Variants in ZNF366 observed in about 807,000 individuals in gnomAD.
ZNF366 encodes the protein dendritic cell-specific transcript protein.
Under a neutral mutation model 47.2 loss-of-function variants are expected in ZNF366, and 20 were observed. The observed-to-expected ratio is 0.42, with a 90% CI of 0.30 to 0.62. The LOEUF (loss-of-function observed/expected upper bound fraction) is 0.62. Ranked by LOEUF, ZNF366 falls within the 20% of genes least tolerant of loss-of-function variation. The probability of loss-of-function intolerance (pLI) is 0.16; values close to 1 mark genes in which losing one functional copy is unlikely to be tolerated. For missense variants in ZNF366, 987 were observed against 976.3 expected, an observed-to-expected ratio of 1.01 and a Z score of -0.15; for synonymous variants, 421 against 395.1, an observed-to-expected ratio of 1.07 and a Z score of -0.78.
At chr5:72,446,840 G>A (rs760281048) in intron 4 of ZNF366, among the ~76,000 whole-genome samples, 1 of 152,206 alleles carries the variant, frequency 6.6e-6, no homozygotes, top group African/African-American at 2.4e-5. Flanking sequence ...AAAGGCCTAG[G>A]TTCAAATCTT....
Position 72,489,632 on chromosome 5 carries a change from C to T in ZNF366, c.-15+17619G>A, listed in dbSNP as rs1743966603. ...ACTTACCAGCCCTGAGCTTTGCTAC[C>T]CTTCAGAAAGTTGTTTTCAATTTGA... On this transcript the variant is annotated intron_variant, in intron 1 of 4. Transcript: ENST00000318442. Among the ~76,000 whole-genome samples the T allele has an allele frequency of 2.0e-5, 3 of 152,172 alleles. No individual in the cohort carries two copies. The South Asian group carries it at 6.2e-4, about 32-fold the overall frequency.
At position 72,456,522 on chromosome 5, in the gene ZNF366, A is replaced by T; in HGVS notation, c.1406T>A (p.Leu469Gln). 1 of 1,613,514 alleles carries T rather than the reference A, an allele frequency of 6.2e-7. No homozygotes were observed. Among genetic ancestry groups the T allele is most frequent in the Non-Finnish European group, 8.5e-7 (1 of 1,179,650 alleles). ...GTAGGCGCGGATGTTGGTGTGGATC[A>T]GCACGTGTCGCTTCATGTTGGCCAG... ...TLLANMKRHVLIHTNIRAYQC... is the reference protein window; with the variant it reads ...TLLANMKRHVQIHTNIRAYQC... Residue 469 changes from leucine (L) to glutamine (Q), a missense_variant, in exon 3 of 5, where the codon CTG becomes CAG. Physicochemically the swap from Leu to Gln is moderately radical, Grantham distance 113. Around this residue, in one of 3 missense-constraint regions of ZNF366, gnomAD observed 111 missense variants for 180.5 expected, o/e 0.61. Transcript: ENST00000318442.
At chr5:72,497,697 G>A (rs1466932232) in intron 1 of ZNF366, among the ~76,000 whole-genome samples, 4 of 152,250 alleles carry the variant, frequency 2.6e-5, no homozygotes, top group African/African-American at 9.6e-5. Context: ...ACAAATTGCT[G>A]TCTGTAGATG....
chr5:72,463,663 G>A (rs946014227), intron 1 of ZNF366, among the ~76,000 whole-genome samples: 8 of 152,202 alleles, frequency 5.3e-5, no homozygotes, highest in Admixed American at 1.3e-4. Context: ...TATGAGACCC[G>A]GAGGGGTGTG....
chr5:72,492,291 A>T (rs939072298), intron 1 of ZNF366, among the ~76,000 whole-genome samples: 1 of 152,184 alleles, frequency 6.6e-6, no homozygotes, highest in Non-Finnish European at 1.5e-5. Flanking sequence ...AATGGGTCTT[A>T]CTTTAGTGCC....
intron 1 of ZNF366, among the ~76,000 whole-genome samples, chr5:72,498,372 T>C (rs1744152065): frequency 6.6e-6 from 1 of 152,232 alleles, no homozygotes; most frequent in African/African-American, 2.4e-5. Flanking sequence ...ATTTTTATCA[T>C]GTACTAAATT....
intron 1 of ZNF366, among the ~76,000 whole-genome samples, chr5:72,484,501 T>A (rs10042758): frequency 0.16 from 24,196 of 147,610 alleles, 2,477 homozygotes; most frequent in East Asian, 0.38. Flanking sequence ...AAAAAAATAA[T>A]AATAATAATA....
At chr5:72,455,694 C>A (rs538488017) in intron 3 of ZNF366, among the ~76,000 whole-genome samples, 4 of 152,204 alleles carry the variant, frequency 2.6e-5, no homozygotes, top group African/African-American at 9.7e-5. Flanking sequence ...CACGTTTTCT[C>A]GGCTGATGAA....
chr5:72,498,837 C>T (rs1744159065), intron 1 of ZNF366, among the ~76,000 whole-genome samples: 1 of 152,156 alleles, frequency 6.6e-6, no homozygotes, highest in Admixed American at 6.5e-5. Flanking sequence ...ACTGCTCCTC[C>T]CAAAATATCC....
intron 1 of ZNF366, among the ~76,000 whole-genome samples, chr5:72,495,891 C>T (rs2112354698): frequency 6.6e-6 from 1 of 152,302 alleles, no homozygotes; most frequent in Admixed American, 6.5e-5. Context: ...CCCTGTCTTC[C>T]AGCCATCCTA....
intron 1 of ZNF366, among the ~76,000 whole-genome samples, chr5:72,490,745 C>T (rs770456859): frequency 6.6e-6 from 1 of 152,178 alleles, no homozygotes; most frequent in Non-Finnish European, 1.5e-5. Context: ...GCCAAAAGTG[C>T]CCCTTAGTAA....
chr5:72,493,232 G>A (rs374939467), intron 1 of ZNF366, among the ~76,000 whole-genome samples: 16 of 152,294 alleles, frequency 1.1e-4, no homozygotes, highest in East Asian at 9.6e-4. Flanking sequence ...CAACAATCAC[G>A]TTTGCTGAGT....
intron 1 of ZNF366, among the ~76,000 whole-genome samples, chr5:72,496,499 T>C (rs113521211): frequency 1.1e-4 from 16 of 152,332 alleles, no homozygotes; most frequent in African/African-American, 3.6e-4. Context: ...TAGTATTCCA[T>C]TGCATAGATA....
intron 1 of ZNF366, among the ~76,000 whole-genome samples, chr5:72,502,276 G>T (rs1744224946): frequency 6.6e-6 from 1 of 152,132 alleles, no homozygotes; most frequent in Non-Finnish European, 1.5e-5. Context: ...ATGAAGACAT[G>T]TTCTTATTCT....
In ZNF366 at chr5:72,447,326, G is replaced by A; in HGVS notation, c.1616C>T (p.Pro539Leu). Residue 539 changes from proline (P) to leucine (L), a missense_variant, in exon 4 of 5, where the codon CCA becomes CTA. Pro to Leu is a moderately conservative substitution (Grantham distance 98). Coordinates refer to ENST00000318442, the MANE Select transcript of ZNF366 (RefSeq NM_152625.3). The part of the protein sequence containing the change: ...DSKPFKCLYC[P>L]SKFTLKGNLT... Reference sequence around the variant, plus strand: ...GTTCCCCTTCAGGGTGAATTTGCTTGGGCAATAGAGGCACTTGAAGGGTTT... The same window carrying A: ...GTTCCCCTTCAGGGTGAATTTGCTTAGGCAATAGAGGCACTTGAAGGGTTT... 1 of 1,614,172 alleles carries A rather than the reference G, an allele frequency of 6.2e-7. No individual in the cohort carries two copies. Among genetic ancestry groups the A allele is most frequent in the Non-Finnish European group, 8.5e-7 (1 of 1,180,044 alleles).
At position 72,443,761 on chromosome 5, in the gene ZNF366, T is replaced by C; in HGVS notation, c.2230A>G (p.Ile744Val). The C allele has an allele frequency of 6.2e-7, 1 of 1,608,780 alleles. No individual in the cohort carries two copies. The highest frequency in any genetic ancestry group is 2.2e-5 in the East Asian group (1 of 44,788). The change falls in exon 5 of 5, where the codon ATC becomes GTC. Residue 744 changes from isoleucine to valine, a missense_variant. Coordinates refer to ENST00000318442, the MANE Select transcript of ZNF366 (RefSeq NM_152625.3). The part of the protein sequence containing the change: ...KMEKQAVLLG[I>V] ...GTAATTTTAAAACTGTCCACTTAGA[T>C]ACCTAAAAGCACTGCTTGTTTTTCC...
At position 72,456,408 on chromosome 5, in the gene ZNF366, C is replaced by T; in HGVS notation, c.1520G>A (p.Cys507Tyr). Residue 507 changes from cysteine (C) to tyrosine (Y), a missense_variant, in exon 3 of 5, where the codon TGC becomes TAC. Transcript: ENST00000318442. The stretch of plus-strand genomic sequence containing the variant: ...CTCTCTAGTCCCACTGCCCACCTTG[C>T]ATTTGAAAGGCTTCACGTCAGAGTG... ...IVHSDVKPFK[C>Y]KLCGKEFNRM... 1 of 1,598,164 alleles carries T rather than the reference C, an allele frequency of 6.3e-7. No individual in the cohort carries two copies. The highest frequency in any genetic ancestry group is 8.6e-7 in the Non-Finnish European group (1 of 1,167,402).
At chr5:72,444,764 G>A (rs1471082461) in intron 4 of ZNF366, among the ~76,000 whole-genome samples, 1 of 152,052 alleles carries the variant, frequency 6.6e-6, no homozygotes, top group Non-Finnish European at 1.5e-5. Flanking sequence ...TGTATTTTAA[G>A]TAAAAACAAA....
intron 4 of ZNF366, 86 bp downstream of exon 4, chr5:72,447,157 C>G: frequency 1.3e-6 from 2 of 1,486,674 alleles, no homozygotes; most frequent in Non-Finnish European, 1.8e-6. Context: ...AAGAATAACC[C>G]TCAAGGTAAT....
Sources: gnomAD v4.1 joint callset for allele counts (sites outside exome capture counted in the v4.1 genomes callset) on GRCh38, gnomAD v4.1.1 for gene constraint, gnomAD v4.1.1 regional missense constraint, MANE v1.5 for transcripts, NCBI Gene and HGNC (gene_info 2026-07-23, HGNC 2026-07-21) for gene names.